The following ADK variants were observed in gnomAD, a reference collection of about 807,000 sequenced individuals.
ADK encodes N6,N6-dimethyladenosine kinase.
In ADK, 24 loss-of-function variants were observed where a neutral mutation model predicts 44.7. The ratio of observed to expected loss-of-function variants is 0.54; its 90% CI spans 0.39 to 0.76. ADK has a LOEUF of 0.76. Ranked by LOEUF, ADK falls within the 30% of genes least tolerant of loss-of-function variation. The pLI is 0.00. For missense variants in ADK, 321 were observed against 425.1 expected, an observed-to-expected ratio of 0.76 and a Z score of 2.15; for synonymous variants, 128 against 142.6, an observed-to-expected ratio of 0.90 and a Z score of 0.73.
intron 3 of ADK, among the ~76,000 whole-genome samples, chr10:74,269,912 C>T (rs772525940): frequency 1.3e-5 from 2 of 152,046 alleles, no homozygotes; most frequent in African/African-American, 4.8e-5. Flanking sequence ...GCAGGAGAAT[C>T]GCTTGAACCC....
intron 7 of ADK, among the ~76,000 whole-genome samples, chr10:74,529,520 A>T (rs1039026514): frequency 5.3e-5 from 8 of 152,196 alleles, no homozygotes; most frequent in African/African-American, 1.9e-4. Context: ...TCATATGTAT[A>T]GTTTACCACA....
rs113684640 is a variant in ADK, at chr10:74,476,347, G to A, written c.556-48909G>A. 1.3e-4 allele frequency among the ~76,000 whole-genome samples: 20 copies of A among 152,094 alleles called. 2 individuals are homozygous for A. The highest frequency in any genetic ancestry group is 4.1e-4 in the African/African-American group (17 of 41,504). The stretch of plus-strand genomic sequence containing the variant: ...CGTCTCTAACAAAAATACAAAATTA[G>A]CCGGGCGTAGTGACACATGCTGTAA... On this transcript the variant is annotated intron_variant, in intron 6 of 10. Coordinates refer to ENST00000539909, the MANE Select transcript of ADK (RefSeq NM_006721.4).
Position 74,563,127 on chromosome 10 carries a change from T to A in ADK, c.727-26155T>A, listed in dbSNP as rs570698440. ...GTGCGGTGGCTATTCTCAGGCATGA[T>A]TATAGCACAACTACATCCTTGAATT... On this transcript the variant is annotated intron_variant, in intron 7 of 10. Coordinates refer to ENST00000539909, the MANE Select transcript of ADK (RefSeq NM_006721.4). Among the ~76,000 whole-genome samples, 14 of 152,270 alleles carry A rather than the reference T, an allele frequency of 9.2e-5. No individual in the cohort carries two copies. The South Asian group carries it at 2.9e-3, about 32-fold the overall frequency.
At chr10:74,170,251 T>C (rs1311086485) in intron 1 of ADK, among the ~76,000 whole-genome samples, 2 of 152,156 alleles carry the variant, frequency 1.3e-5, no homozygotes, top group Non-Finnish European at 2.9e-5. Context: ...ACTTTTAACT[T>C]TTGTCAAGTT....
At chr10:74,519,563 A>G (rs551940477) in intron 6 of ADK, among the ~76,000 whole-genome samples, 3 of 152,072 alleles carry the variant, frequency 2.0e-5, no homozygotes, top group East Asian at 1.9e-4. Flanking sequence ...TTATGAATGT[A>G]TATTTTCCCA....
intron 2 of ADK, among the ~76,000 whole-genome samples, chr10:74,219,114 C>T (rs1397958487): frequency 6.6e-6 from 1 of 152,140 alleles, no homozygotes; most frequent in Non-Finnish European, 1.5e-5. Context: ...GTGTTGTATT[C>T]AGGAAACTCA....
At chr10:74,371,533 C>G (rs1052108014) in intron 4 of ADK, 1 of 996,810 alleles carries the variant, frequency 1.0e-6, no homozygotes, top group South Asian at 1.3e-5. Context: ...AAACTTTTCA[C>G]CATGTCTGGA....
intron 6 of ADK, among the ~76,000 whole-genome samples, chr10:74,511,996 A>C (rs1848350652): frequency 6.6e-6 from 1 of 152,276 alleles, no homozygotes; most frequent in Non-Finnish European, 1.5e-5. Context: ...TAATTTATTA[A>C]GAGTTTTTAT....
chr10:74,608,363 G>C (rs1247106058), intron 9 of ADK, among the ~76,000 whole-genome samples: 9 of 151,992 alleles, frequency 5.9e-5, no homozygotes, highest in African/African-American at 2.2e-4. Context: ...CCTTATCTTC[G>C]TGGATTTATC....
intron 4 of ADK, among the ~76,000 whole-genome samples, chr10:74,367,797 G>A (rs1842541410): frequency 1.3e-5 from 2 of 152,066 alleles, no homozygotes; most frequent in African/African-American, 4.8e-5. Flanking sequence ...GTTTAAAATG[G>A]TTCCCAAGCA....
intron 6 of ADK, among the ~76,000 whole-genome samples, chr10:74,434,616 T>C (rs1390149926): frequency 6.6e-6 from 1 of 152,176 alleles, no homozygotes; most frequent in Non-Finnish European, 1.5e-5. Context: ...TTACTTTTCT[T>C]ATAAAGGTTA....
intron 3 of ADK, among the ~76,000 whole-genome samples, chr10:74,304,208 G>A (rs1258627933): frequency 6.6e-6 from 1 of 151,670 alleles, no homozygotes; most frequent in Non-Finnish European, 1.5e-5. Context: ...TGGGAAGTTC[G>A]AATTAAAAAT....
chr10:74,421,595 A>G (rs1844558051), intron 6 of ADK, among the ~76,000 whole-genome samples: 1 of 152,168 alleles, frequency 6.6e-6, no homozygotes, highest in African/African-American at 2.4e-5. Context: ...GTAGCCACAA[A>G]CACATCTAAC....
intron 7 of ADK, among the ~76,000 whole-genome samples, chr10:74,556,674 TC>T (rs1442861482): frequency 1.3e-5 from 2 of 152,322 alleles, no homozygotes; most frequent in African/African-American, 4.8e-5. Context: ...CCTTAATGTT[TC>T]AAGTTTTTAA....
intron 3 of ADK, among the ~76,000 whole-genome samples, chr10:74,294,377 C>G (rs1839737203): frequency 1.3e-5 from 2 of 151,990 alleles, no homozygotes; most frequent in Non-Finnish European, 2.9e-5. Flanking sequence ...ACCTCCACCT[C>G]CCGGGTTCAA....
At chr10:74,171,786 CTCTT>C (rs1191856781) in intron 1 of ADK, among the ~76,000 whole-genome samples, 6 of 149,674 alleles carry the variant, frequency 4.0e-5, no homozygotes, top group East Asian at 1.9e-4. Context: ...AGCGCTCACT[CTCTT>C]TCTGTCTCTC....
intron 6 of ADK, among the ~76,000 whole-genome samples, chr10:74,456,285 G>T (rs1251704953): frequency 1.3e-5 from 2 of 151,896 alleles, no homozygotes; most frequent in East Asian, 3.9e-4. Flanking sequence ...CCACATAATT[G>T]GAAGTAAAAC....
At chr10:74,647,925 A>T (rs1297160121) in intron 9 of ADK, among the ~76,000 whole-genome samples, 1 of 152,196 alleles carries the variant, frequency 6.6e-6, no homozygotes, top group East Asian at 1.9e-4. Context: ...TCAAGGTACA[A>T]TCAGCAACTA....
intron 7 of ADK, among the ~76,000 whole-genome samples, chr10:74,568,044 G>A (rs1166490063): frequency 1.3e-5 from 2 of 152,002 alleles, no homozygotes; most frequent in South Asian, 2.1e-4. Flanking sequence ...GTACAAGCTT[G>A]TCCAAACTAT....
Sources: gnomAD v4.1 joint callset for allele counts (sites outside exome capture counted in the v4.1 genomes callset) on GRCh38, gnomAD v4.1.1 for gene constraint, MANE v1.5 for transcripts, NCBI Gene and HGNC (gene_info 2026-07-23, HGNC 2026-07-21) for gene names.